The following RARS1 variants were observed in gnomAD, a reference collection of about 807,000 sequenced individuals.
The protein encoded by RARS1 is arginine--tRNA ligase, cytoplasmic.
A neutral mutation model predicts 78.7 loss-of-function variants in RARS1; 75 were observed. The observed-to-expected ratio is 0.95, with a 90% confidence interval of 0.79 to 1.15. The LOEUF (loss-of-function observed/expected upper bound fraction) is 1.15. Ranked by LOEUF, RARS1 falls within the 50% of genes most tolerant of loss-of-function variation. RARS1 has a pLI of 0.00. For missense variants in RARS1, 787 were observed against 787.5 expected (o/e 1.00, Z 0.01); for synonymous variants, 273 against 268.2 (o/e 1.02, Z -0.18).
intron 2 of RARS1, 68 bp downstream of exon 2, chr5:168,488,804 A>T: frequency 6.8e-7 from 1 of 1,472,332 alleles, no homozygotes. Context: ...AGCCTTTGTT[A>T]CCAAAGATTC....
Position 168,519,144 on chromosome 5 carries a change from C to T in RARS1, c.1937C>T (p.Ala646Val). ...TGTGAAGCAGTAGCTGCTGTCATGG[C>T]CAAGGGGTTTGATATCCTGGGAATA... ...LLCEAVAAVM[A>V]KGFDILGIKP... The change falls in exon 15 of 15, where the codon GCC becomes GTC. Residue 646 changes from alanine (A) to valine (V), a missense_variant. By Grantham distance (64) the Ala-to-Val change is moderately conservative. Transcript: ENST00000231572. The T allele has an allele frequency of 6.2e-7, 1 of 1,613,996 alleles. No homozygotes were observed. Among genetic ancestry groups the T allele is most frequent in the Non-Finnish European group, 8.5e-7 (1 of 1,179,948 alleles).
chr5:168,508,819 T>G (rs1758504621), intron 11 of RARS1, among the ~76,000 whole-genome samples: 1 of 152,130 alleles, frequency 6.6e-6, no homozygotes, highest in African/African-American at 2.4e-5. Context: ...CTGTGCATGG[T>G]GTTGGTTGGA....
intron 9 of RARS1, among the ~76,000 whole-genome samples, chr5:168,504,336 C>G (rs1036638733): frequency 7.3e-5 from 11 of 151,420 alleles, no homozygotes; most frequent in African/African-American, 2.7e-4. Context: ...CCATCCTGAC[C>G]AACATGGTGA....
rs1230638462 is a variant in RARS1, at chr5:168,497,287, A to G, written c.761A>G (p.Asp254Gly). The G allele has an allele frequency of 1.9e-6, 3 of 1,592,622 alleles. No homozygotes were observed. The highest frequency in any genetic ancestry group is 1.7e-5 in the Admixed American group (1 of 57,574). ...QFGMLIAHLQ[D>G]KFPDYLTVSP... The stretch of plus-strand genomic sequence containing the variant: ...GGCATGCTCATCGCTCACCTGCAAG[A>G]CAAATTTCCAGATTATCTAACAGTT... Residue 254 changes from aspartate (D) to glycine (G), a missense_variant, in exon 7 of 15, where the codon GAC (aspartate) becomes GGC (glycine). Transcript: ENST00000231572.
At chr5:168,496,989 G>T (rs113646872) in intron 6 of RARS1, 1 of 342,982 alleles carries the variant, frequency 2.9e-6, no homozygotes, top group East Asian at 4.4e-5. Flanking sequence ...AATTCTGGAT[G>T]CCTGCCTTGT....
chr5:168,518,600 T>G (rs1758723891), intron 14 of RARS1, among the ~76,000 whole-genome samples: 1 of 152,138 alleles, frequency 6.6e-6, no homozygotes, highest in Non-Finnish European at 1.5e-5. Context: ...AATGGAAACT[T>G]CTTGGAAAAC....
At chr5:168,491,134 C>T (rs62385661) in intron 2 of RARS1, among the ~76,000 whole-genome samples, 2 of 151,986 alleles carry the variant, frequency 1.3e-5, no homozygotes, top group African/African-American at 4.8e-5. Context: ...AAGACCCGGT[C>T]CCAAAAAAAT....
intron 6 of RARS1, among the ~76,000 whole-genome samples, chr5:168,496,182 C>T (rs962841989): frequency 9.2e-5 from 14 of 151,930 alleles, no homozygotes; most frequent in South Asian, 2.1e-4. Context: ...GAGTTTGAGA[C>T]CAGCCTGGCA....
At chr5:168,500,200 C>CAAAA (rs36015007) in intron 7 of RARS1, among the ~76,000 whole-genome samples, 27 of 47,700 alleles carry the variant, frequency 5.7e-4, no homozygotes, top group African/African-American at 1.3e-3. Context: ...GACTCTGTCT[C>CAAAA]AAAAAAAAAA....
chr5:168,489,319 C>T (rs1029749773), intron 2 of RARS1, among the ~76,000 whole-genome samples: 16 of 152,078 alleles, frequency 1.1e-4, no homozygotes, highest in African/African-American at 3.9e-4. Context: ...CTGCACCCAG[C>T]AAGGTTGAGG....
intron 3 of RARS1, 176 bp downstream of exon 3, chr5:168,493,023 C>T (rs1408424331): frequency 1.8e-6 from 1 of 552,474 alleles, no homozygotes; most frequent in Non-Finnish European, 3.1e-6. Flanking sequence ...TTTTTAGGCA[C>T]AATTTTTAAG....
At chr5:168,508,981 G>A (rs1758507834) in intron 11 of RARS1, among the ~76,000 whole-genome samples, 2 of 151,946 alleles carry the variant, frequency 1.3e-5, no homozygotes, top group African/African-American at 4.8e-5. Flanking sequence ...TCTAAAGGGG[G>A]TATTAGGCAT....
Position 168,517,917 on chromosome 5 carries a change from G to T in RARS1, c.1728G>T (p.Arg576=). The T allele has an allele frequency of 1.2e-6, 2 of 1,613,826 alleles. No homozygotes were observed. The highest frequency in any genetic ancestry group is 2.2e-5 in the South Asian group (2 of 91,058). The change falls in exon 14 of 15, where the codon CGG becomes CGT. Residue 576 remains arginine (R), a synonymous_variant. Coordinates refer to ENST00000231572, the MANE Select transcript of RARS1 (RefSeq NM_002887.4). ...LDHEKEWKLG[R]CILRFPEILQ... ...ATGAGAAGGAATGGAAACTAGGCCG[G>T]TGCATTTTACGGTTCCCTGAGATTC...
chr5:168,511,891 A>G (rs918146267), intron 12 of RARS1, among the ~76,000 whole-genome samples: 1 of 152,142 alleles, frequency 6.6e-6, no homozygotes, highest in Non-Finnish European at 1.5e-5. Context: ...TTTGAGACAG[A>G]GTCTCACTCT....
At chr5:168,494,922 A>G (rs796980012) in intron 5 of RARS1, 39 of 372,076 alleles carry the variant, frequency 1.0e-4, no homozygotes, top group African/African-American at 7.1e-4. Flanking sequence ...TTTCACTTTT[A>G]TACTGAAATT....
chr5:168,492,939 A>T, intron 3 of RARS1, 92 bp downstream of exon 3: 1 of 1,173,812 alleles, frequency 8.5e-7, no homozygotes, highest in Non-Finnish European at 1.2e-6. Flanking sequence ...TACAAGTTGT[A>T]TCCTTAGTGA....
In RARS1 at chr5:168,505,901, A is replaced by G. The variant is rs113782038; in HGVS notation, c.1058-120A>G. On this transcript the variant is annotated intron_variant, in intron 9 of 14. Coordinates refer to ENST00000231572, the MANE Select transcript of RARS1 (RefSeq NM_002887.4). ...AATTATGTGCTTTCTTTAGCTCTCT[A>G]ATAAATATATTTCAAAATATTCTTA... The G allele has an allele frequency of 4.9e-3, 4,398 of 896,114 alleles. 14 individuals are homozygous for G. The highest frequency in any genetic ancestry group is 6.6e-3 in the Non-Finnish European group (3,959 of 598,886). 55.5% of individuals were successfully genotyped at this position (896,114 alleles called of 1,614,324 possible).
In RARS1 at chr5:168,513,739, TAC is replaced by T. The variant is rs555791377; in HGVS notation, c.1453-3037_1453-3036del. Among the ~76,000 whole-genome samples the T allele has an allele frequency of 2.4e-4, 36 of 152,324 alleles. No homozygotes were observed. In the East Asian group the frequency reaches 6.7e-3, roughly 29 times the overall value. On this transcript the variant is annotated intron_variant, in intron 12 of 14. Coordinates refer to ENST00000231572, the MANE Select transcript of RARS1 (RefSeq NM_002887.4). ...TATTTTGCATTAGACAATCAGTACT[TAC>T]ATTTATCTATATATTTTCGCCCTTT...
Position 168,488,716 on chromosome 5 carries a change from C to G in RARS1, c.160C>G (p.Arg54Gly). Residue 54 changes from arginine (R) to glycine (G), a missense_variant, in exon 2 of 15, where the codon CGA becomes GGA. Coordinates refer to ENST00000231572, the MANE Select transcript of RARS1 (RefSeq NM_002887.4). ...LQEENLKLKYRLNILRKSLQA... is the reference protein window; with the variant it reads ...LQEENLKLKYGLNILRKSLQA... ...AGAAGAAAATTTAAAATTAAAGTAT[C>G]GACTGAATATTCTTCGAAAGGTGAG... 1 of 1,609,062 alleles carries G rather than the reference C, an allele frequency of 6.2e-7. No individual in the cohort carries two copies. The highest frequency in any genetic ancestry group is 8.5e-7 in the Non-Finnish European group (1 of 1,178,540).
Sources: gnomAD v4.1 joint callset for allele counts (sites outside exome capture counted in the v4.1 genomes callset) on GRCh38, gnomAD v4.1.1 for gene constraint, MANE v1.5 for transcripts, NCBI Gene and HGNC (gene_info 2026-07-23, HGNC 2026-07-21) for gene names.